Variants in PCED1B observed in about 807,000 individuals in gnomAD.
PCED1B encodes the protein PC-esterase domain-containing protein 1B.
For missense variants in PCED1B, 573 were observed against 573.9 expected (o/e 1.00, Z 0.02); for synonymous variants, 251 against 246.1 (o/e 1.02, Z -0.19).
At chr12:47,169,607 T>C (rs2137542767) in intron 2 of PCED1B, among the ~76,000 whole-genome samples, 1 of 152,338 alleles carries the variant, frequency 6.6e-6, no homozygotes, top group South Asian at 2.1e-4. Flanking sequence ...TATTTCTAAA[T>C]GAAGTTCTCC....
At chr12:47,105,567 A>G (rs1286399447) in intron 2 of PCED1B, among the ~76,000 whole-genome samples, 1 of 152,194 alleles carries the variant, frequency 6.6e-6, no homozygotes, top group African/African-American at 2.4e-5. Flanking sequence ...ATGGGGACCT[A>G]TGAAAAGGAA....
intron 2 of PCED1B, among the ~76,000 whole-genome samples, chr12:47,150,798 T>C (rs1308524262): frequency 1.3e-5 from 2 of 151,850 alleles, no homozygotes; most frequent in Admixed American, 1.3e-4. Context: ...CGCAAGAGTC[T>C]GGTAAGGAGA....
At chr12:47,103,711 G>T (rs925212007) in intron 1 of PCED1B, among the ~76,000 whole-genome samples, 3 of 152,036 alleles carry the variant, frequency 2.0e-5, no homozygotes, top group African/African-American at 7.2e-5. Context: ...CCTGCCCCAT[G>T]CCCACAGACT....
intron 2 of PCED1B, among the ~76,000 whole-genome samples, chr12:47,184,207 A>T (rs1454104408): frequency 6.6e-6 from 1 of 152,144 alleles, no homozygotes; most frequent in East Asian, 1.9e-4. Flanking sequence ...TAGTAAATGA[A>T]GTTTACCTCA....
chr12:47,136,958 G>A (rs1292115800), intron 2 of PCED1B, among the ~76,000 whole-genome samples: 1 of 152,116 alleles, frequency 6.6e-6, no homozygotes, highest in Non-Finnish European at 1.5e-5. Context: ...AGTTTCTGTG[G>A]TTCTGTTTTC....
intron 1 of PCED1B, among the ~76,000 whole-genome samples, chr12:47,094,552 T>C (rs1197474315): frequency 6.6e-6 from 1 of 152,078 alleles, no homozygotes; most frequent in African/African-American, 2.4e-5. Flanking sequence ...AAGGATTTCA[T>C]TCTAAAAACT....
intron 2 of PCED1B, among the ~76,000 whole-genome samples, chr12:47,212,845 T>C (rs1295342124): frequency 6.6e-6 from 1 of 152,240 alleles, no homozygotes; most frequent in African/African-American, 2.4e-5. Context: ...GTTGAGTACC[T>C]TTCCCAAAGT....
intron 2 of PCED1B, among the ~76,000 whole-genome samples, chr12:47,155,412 A>C (rs1941159929): frequency 6.6e-6 from 1 of 152,232 alleles, no homozygotes; most frequent in Non-Finnish European, 1.5e-5. Flanking sequence ...GTGTTGTAGA[A>C]TTGATGAAAT....
At chr12:47,212,085 A>C (rs535733138) in intron 2 of PCED1B, among the ~76,000 whole-genome samples, 1 of 151,532 alleles carries the variant, frequency 6.6e-6, no homozygotes, top group East Asian at 1.9e-4. Context: ...AAAAAAAAAA[A>C]AAAAAAAAAC....
At chr12:47,217,447 A>AGAAAGAAAAG in intron 3 of PCED1B, among the ~76,000 whole-genome samples, 1 of 99,670 alleles carries the variant, frequency 1.0e-5, no homozygotes, top group Non-Finnish European at 2.1e-5. Context: ...AAAGAAAGAA[A>AGAAAGAAAAG]GAAAGAAAGA....
At chr12:47,182,147 CT>C (rs1187410877) in intron 2 of PCED1B, among the ~76,000 whole-genome samples, 3 of 152,212 alleles carry the variant, frequency 2.0e-5, no homozygotes, top group Admixed American at 2.0e-4. Flanking sequence ...GCTGAAATGA[CT>C]GAAAGCCTGG....
intron 2 of PCED1B, among the ~76,000 whole-genome samples, chr12:47,127,234 G>A (rs141047967): frequency 9.0e-4 from 137 of 151,942 alleles, no homozygotes; most frequent in African/African-American, 3.2e-3. Flanking sequence ...ATAATATTTT[G>A]TTTACATTTA....
chr12:47,157,680 A>T (rs1941238449), intron 2 of PCED1B, among the ~76,000 whole-genome samples: 1 of 152,154 alleles, frequency 6.6e-6, no homozygotes, highest in African/African-American at 2.4e-5. Flanking sequence ...TTTTTAATGT[A>T]TAGATCAGTG....
intron 2 of PCED1B, among the ~76,000 whole-genome samples, chr12:47,116,107 G>A (rs547152647): frequency 1.3e-5 from 2 of 152,212 alleles, no homozygotes; most frequent in South Asian, 4.2e-4. Context: ...AAATATGATG[G>A]TTACTTTCTC....
intron 2 of PCED1B, among the ~76,000 whole-genome samples, chr12:47,196,741 C>T (rs571365669): frequency 6.6e-6 from 1 of 151,944 alleles, no homozygotes; most frequent in East Asian, 2.0e-4. Context: ...GGTAGAATTG[C>T]TTGAACCCAG....
intron 2 of PCED1B, among the ~76,000 whole-genome samples, chr12:47,137,477 C>T (rs1170460237): frequency 6.6e-6 from 1 of 151,964 alleles, no homozygotes; most frequent in Non-Finnish European, 1.5e-5. Flanking sequence ...TGTTTCTATC[C>T]TAATTTCTAA....
In PCED1B at chr12:47,166,343, C is replaced by T. The variant is rs956019309; in HGVS notation, c.-525-49879C>T. 2.6e-5 allele frequency among the ~76,000 whole-genome samples: 4 copies of T among 152,162 alleles called. No homozygotes were observed. In the South Asian group the frequency reaches 6.2e-4, roughly 24 times the overall value. On this transcript the variant is annotated intron_variant, in intron 2 of 3. Transcript: ENST00000546455. ...TCCCTCATTCTCCCTTTAAAATGCCCAGTAGCCTCTATATGGATTGGAGTT... is the reference window on the plus strand; with the variant it reads ...TCCCTCATTCTCCCTTTAAAATGCCTAGTAGCCTCTATATGGATTGGAGTT...
At chr12:47,124,553 G>A (rs1314064745) in intron 2 of PCED1B, among the ~76,000 whole-genome samples, 2 of 145,346 alleles carry the variant, frequency 1.4e-5, no homozygotes, top group Non-Finnish European at 3.0e-5. Context: ...CTTTGTTCTT[G>A]TATCCTGCTT....
intron 2 of PCED1B, among the ~76,000 whole-genome samples, chr12:47,182,348 C>T (rs771770672): frequency 3.3e-5 from 5 of 152,078 alleles, no homozygotes; most frequent in Non-Finnish European, 5.9e-5. Context: ...AATCCCAGCA[C>T]GTTGGGAGGC....
Sources: gnomAD v4.1 joint callset for allele counts (sites outside exome capture counted in the v4.1 genomes callset) on GRCh38, gnomAD v4.1.1 for gene constraint, MANE v1.5 for transcripts, NCBI Gene and HGNC (gene_info 2026-07-23, HGNC 2026-07-21) for gene names.